The following LRP1 variants were observed in gnomAD, a reference collection of about 807,000 sequenced individuals.
LRP1 encodes the protein prolow-density lipoprotein receptor-related protein 1.
LRP1 carries 51 observed loss-of-function variants against 541.5 expected under a neutral mutation model. That is an observed-to-expected ratio of 0.09 (90% confidence interval 0.08 to 0.12). The LOEUF is 0.12. Ranked by LOEUF, LRP1 falls within the 10% of genes least tolerant of loss-of-function variation. The pLI, the probability that LRP1 is intolerant of heterozygous loss-of-function variation, is 1.00. For missense variants in LRP1, 3,878 were observed against 6,376.2 expected, an observed-to-expected ratio of 0.61 and a Z score of 13.34; for synonymous variants, 2,219 against 2,470.8, an observed-to-expected ratio of 0.90 and a Z score of 3.02.
intron 62 of LRP1, 24 bp from the exon 63 acceptor site, chr12:57,200,418 C>CAAGT: frequency 1.4e-6 from 2 of 1,426,840 alleles, no homozygotes; most frequent in Non-Finnish European, 9.9e-7. Context: ...CCACCAACCC[C>CAAGT]TCTTGCCCCC....
intron 6 of LRP1, among the ~76,000 whole-genome samples, chr12:57,153,990 C>T (rs965860543): frequency 6.6e-6 from 1 of 151,930 alleles, no homozygotes; most frequent in Non-Finnish European, 1.5e-5. Context: ...GGTCCCTTTT[C>T]AAGGATGGGC....
In LRP1 at chr12:57,197,406, C is replaced by A. The variant is rs775102975; in HGVS notation, c.9162+22C>A. The stretch of plus-strand genomic sequence containing the variant: ...GCAGGTACCAAACCCAGGCCCTCCT[C>A]CCCGCTGCCCATCTCCCAGACCCAG... On this transcript the variant is annotated intron_variant, in intron 57 of 88. Transcript: ENST00000243077. This position sits in a 1 kb window ranked among gnomAD's most constrained non-coding sequence, Gnocchi z 4.5. 5.6e-6 allele frequency: 9 copies of A among 1,610,420 alleles called. No individual in the cohort carries two copies. In the African/African-American group the frequency reaches 1.2e-4, roughly 22 times the overall value.
At chr12:57,191,939 CACCACATA>C (rs1565744142) in intron 44 of LRP1, among the ~76,000 whole-genome samples, 26 of 44,386 alleles carry the variant, frequency 5.9e-4, no homozygotes, top group Admixed American at 1.0e-3. Context: ...ACCACACACA[CACCACATA>C]CACACACCAC....
At chr12:57,181,398 C>T (rs971813884) in intron 34 of LRP1, 107 bp downstream of exon 34, 125 of 1,382,820 alleles carry the variant, frequency 9.0e-5, no homozygotes, top group Middle Eastern at 2.5e-4. Context: ...AGACTACATT[C>T]GTCGTGTAGG....
At position 57,212,256 on chromosome 12, in the gene LRP1, G is replaced by A. The variant is rs1413859792; in HGVS notation, c.13489G>A (p.Asp4497Asn). ...GGACGCTGACTTTGCCCTGGACCCTGACAAGGTGGGCTGGGAGGCGGGCAG... is the reference window on the plus strand; with the variant it reads ...GGACGCTGACTTTGCCCTGGACCCTAACAAGGTGGGCTGGGAGGCGGGCAG... The part of the protein sequence containing the change: ...LLDADFALDP[D>N]KPTNFTNPVY... Residue 4497 changes from aspartate to asparagine, a missense_variant, in exon 88 of 89, where the codon GAC (aspartate) becomes AAC (asparagine). Physicochemically the swap from Asp to Asn is conservative, Grantham distance 23 (BLOSUM62 1). This residue lies in a region of LRP1 where 871 missense variants were observed against 1,212.4 expected (regional missense o/e 0.72). Transcript: ENST00000243077. The surrounding 1 kb of genome is among the most constrained non-coding windows in gnomAD (Gnocchi z 5.0). 1 of 1,613,148 alleles carries A rather than the reference G, an allele frequency of 6.2e-7. No homozygotes were observed. Among genetic ancestry groups the A allele is most frequent in the African/African-American group, 1.3e-5 (1 of 74,922 alleles).
At position 57,173,440 on chromosome 12, in the gene LRP1, C is replaced by G; in HGVS notation, c.3346+90C>G. 7.2e-7 allele frequency: 1 copy of G among 1,388,374 alleles called. No homozygotes were observed. The highest frequency in any genetic ancestry group is 9.9e-7 in the Non-Finnish European group (1 of 1,008,026). The allele number at this position is 1,388,374 out of a possible 1,614,324, so 86.0% of individuals were successfully genotyped here. The stretch of plus-strand genomic sequence containing the variant: ...AGCAGAGTAGCGGCAAAGGGGATGG[C>G]ACTGTGCTGTGTGGAGTGGTGCTGG... On this transcript the variant is annotated intron_variant, in intron 21 of 88. Transcript: ENST00000243077. The surrounding 1 kb of genome is among the most constrained non-coding windows in gnomAD (Gnocchi z 4.7).
Position 57,198,621 on chromosome 12 carries a change from C to G in LRP1, c.9627C>G (p.Arg3209=), listed in dbSNP as rs748134816. 5.6e-6 allele frequency: 9 copies of G among 1,613,276 alleles called. No individual in the cohort carries two copies. In the African/African-American group the frequency reaches 1.1e-4, roughly 19 times the overall value. ...VTERIYWADA[R]EDYIEFASLD... is the part of the protein sequence containing the mutation. ...AGCGCATCTACTGGGCCGACGCCCG[C>G]GAGGACTACATTGAATTTGCCAGCC... The change falls in exon 60 of 89, where the codon CGC becomes CGG. Residue 3209 remains arginine, a synonymous_variant. Coordinates refer to ENST00000243077, the MANE Select transcript of LRP1 (RefSeq NM_002332.3).
At chr12:57,195,136 C>A (rs771659799) in intron 51 of LRP1, 35 bp downstream of exon 51, 1 of 1,604,830 alleles carries the variant, frequency 6.2e-7, no homozygotes, top group South Asian at 1.1e-5. Context: ...GGGAGGTGCC[C>A]CAGGGAGGGA....
rs1332584847 is a variant in LRP1, at chr12:57,158,066, T to C, written c.1562-336T>C. On this transcript the variant is annotated intron_variant, in intron 10 of 88. Transcript: ENST00000243077. The surrounding 1 kb of genome is among the most constrained non-coding windows in gnomAD (Gnocchi z 5.3). ...TACACTAGGATGGCAGCAGAGGAAG[T>C]GGTAAACAGTGATGTGACTCCAACA... Among the ~76,000 whole-genome samples, 1 of 152,118 alleles carries C rather than the reference T, an allele frequency of 6.6e-6. No individual in the cohort carries two copies. Among genetic ancestry groups the C allele is most frequent in the Non-Finnish European group, 1.5e-5 (1 of 68,022 alleles).
At chr12:57,147,360 G>A (rs1001279180) in intron 6 of LRP1, 2 of 152,208 alleles carry the variant, frequency 1.3e-5, no homozygotes, top group Non-Finnish European at 2.9e-5. Flanking sequence ...CCCTCCCCCA[G>A]TTTCTGGGTC....
Position 57,191,022 on chromosome 12 carries a change from G to T in LRP1, c.7236+13G>T. ...CTCCCACCGCTATGTGAGTCTGCGG[G>T]GTGGGTGAGCTGGCGGGCGGCTGAG... On this transcript the variant is annotated intron_variant, in intron 43 of 88. Transcript: ENST00000243077. 1 of 1,606,482 alleles carries T rather than the reference G, an allele frequency of 6.2e-7. No individual in the cohort carries two copies. The highest frequency in any genetic ancestry group is 8.5e-7 in the Non-Finnish European group (1 of 1,178,344).
Position 57,179,201 on chromosome 12 carries a change from G to A in LRP1, c.4739-128G>A, listed in dbSNP as rs572087218. ...GTCTGCCAGGGGGGCTGCACCCAGC[G>A]GGGTATGTCCACGGAGCCAAGGGCC... On this transcript the variant is annotated intron_variant, in intron 28 of 88. Transcript: ENST00000243077. This position sits in a 1 kb window ranked among gnomAD's most constrained non-coding sequence, Gnocchi z 6.8. The A allele has an allele frequency of 8.5e-5, 99 of 1,164,198 alleles. No individual in the cohort carries two copies. The highest frequency in any genetic ancestry group is 7.0e-4 in the African/African-American group (46 of 65,572). The allele number at this position is 1,164,198 out of a possible 1,614,324, so 72.1% of individuals were successfully genotyped here. A position where few individuals can be genotyped will look rare whatever the true frequency, so the allele number is the denominator to read the frequency against.
chr12:57,176,142 G>A, intron 24 of LRP1, 36 bp downstream of exon 24: 1 of 1,609,558 alleles, frequency 6.2e-7, no homozygotes, highest in Non-Finnish European at 8.5e-7. Context: ...GATGCACACA[G>A]GCGGAGCGCT....
intron 58 of LRP1, 113 bp from the exon 59 acceptor site, chr12:57,198,043 C>T (rs577008887): frequency 1.3e-5 from 11 of 838,668 alleles, no homozygotes; most frequent in Admixed American, 2.5e-5. Flanking sequence ...CCCACCAGAG[C>T]TGTCAGAGGG....
chr12:57,145,187 G>C, intron 5 of LRP1, 40 bp from the exon 6 acceptor site: 1 of 1,613,690 alleles, frequency 6.2e-7, no homozygotes, highest in South Asian at 1.1e-5. Context: ...GGTGGTCCTA[G>C]AGCCCTGGCT....
intron 44 of LRP1, 137 bp downstream of exon 44, chr12:57,191,649 CTACACACACCACACCACA>C (rs1482757924): frequency 7.7e-5 from 53 of 691,138 alleles, no homozygotes; most frequent in Middle Eastern, 8.4e-4. Flanking sequence ...ACATACTACA[CTACACACACCACACCACA>C]TACACACACC....
rs1178168702 is a variant in LRP1 at position 57,165,309 on chromosome 12, A to G, written c.2531-496A>G. ...GTCGTGATTTAGCTGCTAATGGGCC[A>G]AGACAGATAGTGATGGTGAGGCATA... On this transcript the variant is annotated intron_variant, in intron 15 of 88. Transcript: ENST00000243077. This position sits in a 1 kb window ranked among gnomAD's most constrained non-coding sequence, Gnocchi z 4.5. The G allele has an allele frequency of 6.4e-6, 1 of 156,994 alleles. No homozygotes were observed. The highest frequency in any genetic ancestry group is 1.4e-5 in the Non-Finnish European group (1 of 70,730). The allele number at this position is 156,994 out of a possible 1,614,324, so 9.7% of individuals were successfully genotyped here.
In LRP1 at chr12:57,212,423, C is replaced by T. The variant is rs1250066023; in HGVS notation, c.13503C>T (p.Asn4501=). Residue 4501 remains asparagine, a synonymous_variant, in exon 89 of 89, where the codon AAC becomes AAT. Transcript: ENST00000243077. The surrounding 1 kb of genome is among the most constrained non-coding windows in gnomAD (Gnocchi z 5.0). ...CCTCTGTCACCCTGCAGCCCACCAA[C>T]TTCACCAACCCCGTGTATGCCACAC... is the stretch of plus-strand genomic sequence containing the variant. ...DFALDPDKPT[N]FTNPVYATLY... The T allele has an allele frequency of 6.2e-7, 1 of 1,613,998 alleles. No individual in the cohort carries two copies. Among genetic ancestry groups the T allele is most frequent in the African/African-American group, 1.3e-5 (1 of 74,928 alleles).
intron 61 of LRP1, 130 bp from the exon 62 acceptor site, chr12:57,199,747 C>T (rs907246016): frequency 8.8e-7 from 1 of 1,137,872 alleles, no homozygotes; most frequent in Non-Finnish European, 1.2e-6. Context: ...CCTCTCCTAT[C>T]TCCAGCTTCA....
Sources: allele counts gnomAD v4.1 joint callset (sites outside exome capture counted in the v4.1 genomes callset), GRCh38; gene constraint gnomAD v4.1.1; regional missense constraint gnomAD v4.1.1; non-coding constraint Gnocchi (gnomAD v3.1); transcripts MANE v1.5; gene names NCBI Gene and HGNC (gene_info 2026-07-23, HGNC 2026-07-21).